Variants in PCDHGB2 observed in about 807,000 individuals in gnomAD.
The protein encoded by PCDHGB2 is protocadherin gamma subfamily B, 2, also known as protocadherin gamma-B2.
A neutral mutation model predicts 59.3 loss-of-function variants in PCDHGB2; 55 were observed. The ratio of observed to expected loss-of-function variants is 0.93; its 90% CI spans 0.75 to 1.16. The LOEUF is 1.16. Among genes scored for constraint, PCDHGB2 ranks in the 50% most tolerant of loss-of-function variants. The pLI is 0.00. For missense variants in PCDHGB2, 1,228 were observed against 1,198.5 expected (o/e 1.02, Z -0.36); for synonymous variants, 516 against 512.0 (o/e 1.01, Z -0.11).
Position 141,485,468 on chromosome 5 carries a change from A to G in PCDHGB2, c.2422-9339A>G. On this transcript the variant is annotated intron_variant, in intron 1 of 3. Coordinates refer to ENST00000522605, the MANE Select transcript of PCDHGB2 (RefSeq NM_018923.3). This position sits in a 1 kb window ranked among gnomAD's most constrained non-coding sequence, Gnocchi z 5.7. The stretch of plus-strand genomic sequence containing the variant: ...CGACCGAGAGGCACTGTGTGGGCTC[A>G]GTGCCAGCTGCATCGTGCCCCTGGA... 1 of 1,614,166 alleles carries G rather than the reference A, an allele frequency of 6.2e-7. No homozygotes were observed. Among genetic ancestry groups the G allele is most frequent in the Non-Finnish European group, 8.5e-7 (1 of 1,180,020 alleles).
intron 1 of PCDHGB2, chr5:141,372,185 C>T: frequency 6.2e-7 from 1 of 1,613,630 alleles, no homozygotes; most frequent in Non-Finnish European, 8.5e-7. Context: ...TGGACGCAGA[C>T]TCGGGATACA....
chr5:141,431,375 G>C lies in PCDHGB2; in HGVS notation c.2422-63432G>C. ...ACGCGCCCTGGACCGCGAAGAAAAG[G>C]CTGCTCACCACCTGGTCCTTACGGC... On this transcript the variant is annotated intron_variant, in intron 1 of 3. Transcript: ENST00000522605. This position sits in a 1 kb window ranked among gnomAD's most constrained non-coding sequence, Gnocchi z 4.8. 6.2e-7 allele frequency: 1 copy of C among 1,613,422 alleles called. No individual in the cohort carries two copies. The highest frequency in any genetic ancestry group is 8.5e-7 in the Non-Finnish European group (1 of 1,179,570).
intron 1 of PCDHGB2, chr5:141,413,675 G>C (rs773300658): frequency 6.2e-7 from 1 of 1,613,826 alleles, no homozygotes; most frequent in Non-Finnish European, 8.5e-7. Context: ...CCGGATGTGG[G>C]CGTGAACTCC....
intron 1 of PCDHGB2, among the ~76,000 whole-genome samples, chr5:141,373,358 T>C (rs1769516017): frequency 6.6e-6 from 1 of 152,204 alleles, no homozygotes; most frequent in Non-Finnish European, 1.5e-5. Flanking sequence ...TAATGGGCAC[T>C]GTAATGAATT....
intron 1 of PCDHGB2, among the ~76,000 whole-genome samples, chr5:141,406,174 G>A (rs990967391): frequency 2.6e-5 from 4 of 151,264 alleles, no homozygotes; most frequent in African/African-American, 9.7e-5. Flanking sequence ...CTGGGCTTAT[G>A]CAATCCTCCC....
chr5:141,374,464 T>C, intron 1 of PCDHGB2: 1 of 1,613,434 alleles, frequency 6.2e-7, no homozygotes, highest in Non-Finnish European at 8.5e-7. Flanking sequence ...TGGACATTAA[T>C]GACAATACAC....
intron 1 of PCDHGB2, among the ~76,000 whole-genome samples, chr5:141,406,226 A>G (rs888434232): frequency 4.6e-5 from 7 of 152,108 alleles, no homozygotes; most frequent in African/African-American, 1.7e-4. Flanking sequence ...TGGGAGGGCT[A>G]GCAAGCTATG....
chr5:141,383,790 T>C, intron 1 of PCDHGB2: 1 of 1,614,006 alleles, frequency 6.2e-7, no homozygotes. Context: ...TGAACTCGCT[T>C]ACAGGAGAAA....
Position 141,485,752 on chromosome 5 carries a change from G to A in PCDHGB2, c.2422-9055G>A. 1 of 1,614,232 alleles carries A rather than the reference G, an allele frequency of 6.2e-7. No individual in the cohort carries two copies. Among genetic ancestry groups the A allele is most frequent in the Middle Eastern group, 1.6e-4 (1 of 6,062 alleles). ...GCAGCGACGGCAGCCTGGTCCCAGA[G>A]CTGCTCCTGGAGAAGCCTTTGGATC... On this transcript the variant is annotated intron_variant, in intron 1 of 3. Coordinates refer to ENST00000522605, the MANE Select transcript of PCDHGB2 (RefSeq NM_018923.3). This position sits in a 1 kb window ranked among gnomAD's most constrained non-coding sequence, Gnocchi z 5.7.
intron 1 of PCDHGB2, chr5:141,440,945 A>T (rs1210278728): frequency 2.6e-5 from 4 of 152,234 alleles, no homozygotes; most frequent in African/African-American, 9.7e-5. Flanking sequence ...CCAGGACTAG[A>T]GTGTCAAGGC....
intron 1 of PCDHGB2, chr5:141,375,606 A>T: frequency 6.2e-7 from 1 of 1,613,922 alleles, no homozygotes; most frequent in Non-Finnish European, 8.5e-7. Context: ...GTGTCCATCA[A>T]CTCCGACACT....
chr5:141,420,683 G>A (rs1308504595), intron 1 of PCDHGB2, among the ~76,000 whole-genome samples: 1 of 152,190 alleles, frequency 6.6e-6, no homozygotes, highest in Non-Finnish European at 1.5e-5. Context: ...ATTTTATCGG[G>A]ACCGTATTAT....
At chr5:141,395,547 TGTGTGTG>T (rs1561655273) in intron 1 of PCDHGB2, 9,050 of 174,290 alleles carry the variant, frequency 0.052, 489 homozygotes, top group Middle Eastern at 0.08. Context: ...ATTGTTTGTG[TGTGTGTG>T]TGTGTGTGTG....
At chr5:141,497,691 C>T (rs2099778682) in intron 2 of PCDHGB2, among the ~76,000 whole-genome samples, 1 of 152,066 alleles carries the variant, frequency 6.6e-6, no homozygotes, top group African/African-American at 2.4e-5. Flanking sequence ...AGGTGTGCAC[C>T]ACCACACCCA....
intron 1 of PCDHGB2, chr5:141,420,388 A>G (rs986892784): frequency 3.1e-6 from 4 of 1,282,144 alleles, no homozygotes; most frequent in Non-Finnish European, 4.1e-6. Context: ...TTCGCAAAAT[A>G]TAGGTCAAAT....
intron 1 of PCDHGB2, among the ~76,000 whole-genome samples, chr5:141,447,047 T>C (rs529082157): frequency 1.3e-5 from 2 of 152,342 alleles, no homozygotes; most frequent in African/African-American, 4.8e-5. Flanking sequence ...TCTGGAATTC[T>C]ATTAAAATGT....
In PCDHGB2 at chr5:141,485,778, G is replaced by A. The variant is rs575586552; in HGVS notation, c.2422-9029G>A. On this transcript the variant is annotated intron_variant, in intron 1 of 3. Coordinates refer to ENST00000522605, the MANE Select transcript of PCDHGB2 (RefSeq NM_018923.3). The surrounding 1 kb of genome is among the most constrained non-coding windows in gnomAD (Gnocchi z 5.7). ...CTGCTCCTGGAGAAGCCTTTGGATC[G>A]AGAGAAGCAATCGGACTACCGCCTG... is the stretch of plus-strand genomic sequence containing the variant. The A allele has an allele frequency of 1.2e-6, 2 of 1,614,216 alleles. No individual in the cohort carries two copies. Among genetic ancestry groups the A allele is most frequent in the Admixed American group, 1.7e-5 (1 of 60,028 alleles).
chr5:141,362,994 C>T (rs1023697492), intron 1 of PCDHGB2, among the ~76,000 whole-genome samples: 12 of 152,350 alleles, frequency 7.9e-5, no homozygotes, highest in Admixed American at 3.9e-4. Context: ...AATGGCATGG[C>T]TTGTTAATCA....
chr5:141,372,348 C>A, intron 1 of PCDHGB2: 1 of 1,613,852 alleles, frequency 6.2e-7, no homozygotes, highest in Middle Eastern at 1.6e-4. Context: ...TGGAGGACAG[C>A]AGCCTCTTTC....
Sources: allele counts gnomAD v4.1 joint callset (sites outside exome capture counted in the v4.1 genomes callset), GRCh38; gene constraint gnomAD v4.1.1; non-coding constraint Gnocchi (gnomAD v3.1); transcripts MANE v1.5; gene names NCBI Gene and HGNC (gene_info 2026-07-23, HGNC 2026-07-21).